The following ATP8B4 variants were observed in gnomAD, a reference collection of about 807,000 sequenced individuals.
ATP8B4 encodes probable phospholipid-transporting ATPase IM.
Under a neutral mutation model 145.6 loss-of-function variants are expected in ATP8B4, and 133 were observed. The ratio of observed to expected loss-of-function variants is 0.91; its 90% CI spans 0.79 to 1.05. The LOEUF (loss-of-function observed/expected upper bound fraction) is 1.05, where lower values mean the gene tolerates loss of function less well. ATP8B4 is among the 50% of genes least tolerant of loss of function. The pLI, the probability that ATP8B4 is intolerant of heterozygous loss-of-function variation, is 0.00. For synonymous variants in ATP8B4, 507 were observed against 492.9 expected (o/e 1.03, Z -0.38); for missense variants, 1,458 against 1,425.2 (o/e 1.02, Z -0.37).
chr15:50,165,118 T>C (rs1567414877), intron 1 of ATP8B4, among the ~76,000 whole-genome samples: 2 of 152,104 alleles, frequency 1.3e-5, no homozygotes, highest in Non-Finnish European at 2.9e-5. Context: ...GGAACGATCT[T>C]GGCTTACTGA....
intron 14 of ATP8B4, among the ~76,000 whole-genome samples, chr15:49,951,831 G>T (rs989121425): frequency 6.6e-6 from 1 of 152,104 alleles, no homozygotes; most frequent in Non-Finnish European, 1.5e-5. Context: ...TGGCTGGTAC[G>T]GGTTTTTCCT....
At position 50,173,049 on chromosome 15, in the gene ATP8B4, C is replaced by T. The variant is rs1385440319; in HGVS notation, c.-43+9212G>A. Among the ~76,000 whole-genome samples the T allele has an allele frequency of 6.2e-5, 9 of 145,440 alleles. No individual in the cohort carries two copies. In the South Asian group the frequency reaches 8.8e-4, roughly 14 times the overall value. The stretch of plus-strand genomic sequence containing the variant: ...ATCCGGGAGGTGGGGGCAGCCTCCG[C>T]CCGGCCAGCCTCCCCATCCGGGAGG... On this transcript the variant is annotated intron_variant, in intron 1 of 3. Coordinates refer to the ATP8B4 transcript ENST00000558829.
At chr15:49,983,801 T>G (rs1372020885) in intron 10 of ATP8B4, among the ~76,000 whole-genome samples, 2 of 152,194 alleles carry the variant, frequency 1.3e-5, no homozygotes, top group East Asian at 3.9e-4. Flanking sequence ...CAGTCCCATA[T>G]CCATCCCTAT....
chr15:49,955,369 G>A (rs4559850), intron 14 of ATP8B4, among the ~76,000 whole-genome samples: 138,405 of 152,284 alleles, frequency 0.91, 63,122 homozygotes, highest in African/African-American at 0.97. Flanking sequence ...ACACAAACAA[G>A]ACAGAAAATC....
chr15:49,894,449 G>C (rs557811003), intron 23 of ATP8B4, among the ~76,000 whole-genome samples: 2 of 151,960 alleles, frequency 1.3e-5, no homozygotes, highest in African/African-American at 4.8e-5. Flanking sequence ...GCTCCTCTGC[G>C]TAAAAAAAGG....
chr15:50,094,784 T>C (rs150338871), intron 2 of ATP8B4, among the ~76,000 whole-genome samples: 36 of 151,078 alleles, frequency 2.4e-4, no homozygotes, highest in African/African-American at 8.2e-4. Flanking sequence ...TCAATGACTC[T>C]ACATCAACTT....
Position 49,923,386 on chromosome 15 carries a change from T to G in ATP8B4, c.1751A>C (p.His584Pro). 1 of 1,606,142 alleles carries G rather than the reference T, an allele frequency of 6.2e-7. No individual in the cohort carries two copies. Among genetic ancestry groups the G allele is most frequent in the South Asian group, 1.1e-5 (1 of 90,838 alleles). ...TAAGACGGAGGCACTTACACTGAGGTGGTCTGACGTCAAAGACAAAAGGAC... is the reference window on the plus strand; with the variant it reads ...TAAGACGGAGGCACTTACACTGAGGGGGTCTGACGTCAAAGACAAAAGGAC... The part of the protein sequence containing the change: ...NEVLLSLTSD[H>P]LSEFAGEGLR... The change falls in exon 17 of 28, where the codon CAC (histidine) becomes CCC (proline). Residue 584 changes from histidine to proline, a missense_variant. Transcript: ENST00000284509.
chr15:50,037,641 A>T (rs917586248), intron 6 of ATP8B4, among the ~76,000 whole-genome samples: 7 of 152,192 alleles, frequency 4.6e-5, no homozygotes, highest in African/African-American at 1.7e-4. Flanking sequence ...TTAACACCAT[A>T]TTGTGGCGGC....
rs2048518239 is a variant in ATP8B4 at position 50,008,959 on chromosome 15, T to C, written c.435+1886A>G. Among the ~76,000 whole-genome samples the C allele has an allele frequency of 2.0e-5, 3 of 152,206 alleles. No homozygotes were observed. The South Asian group carries it at 6.2e-4, about 31-fold the overall frequency. On this transcript the variant is annotated intron_variant, in intron 7 of 27. Transcript: ENST00000284509. The stretch of plus-strand genomic sequence containing the variant: ...AAATGATAGTTAAGTGTGTGGCATA[T>C]ATCAGTTTATGCTAATTCTTCAATA...
chr15:50,165,134 C>G (rs1031736377), intron 1 of ATP8B4, among the ~76,000 whole-genome samples: 9 of 152,024 alleles, frequency 5.9e-5, no homozygotes, highest in Admixed American at 1.3e-4. Context: ...ACTGAAACCT[C>G]TGTCTCCCAG....
In ATP8B4 at chr15:49,934,042, A is replaced by G; in HGVS notation, c.1428T>C (p.Thr476=). 6.2e-7 allele frequency: 1 copy of G among 1,611,006 alleles called. No individual in the cohort carries two copies. The highest frequency in any genetic ancestry group is 1.7e-4 in the Middle Eastern group (1 of 6,038). The change falls in exon 15 of 28, where the codon ACT becomes ACC. Residue 476 remains threonine, a synonymous_variant. Transcript: ENST00000284509. ...EFLRLLALCH[T]VMSEENSAGE... Reference sequence around the variant, plus strand: ...CTGCGCTATTCTCTTCTGACATTACAGTGTGGCAGAGAGCAAGTAACCTAA... The same window carrying G: ...CTGCGCTATTCTCTTCTGACATTACGGTGTGGCAGAGAGCAAGTAACCTAA...
intron 2 of ATP8B4, among the ~76,000 whole-genome samples, chr15:50,090,904 A>C (rs1470044882): frequency 6.6e-6 from 1 of 152,120 alleles, no homozygotes; most frequent in African/African-American, 2.4e-5. Context: ...GTGATGTTTA[A>C]ATTAGCTTTT....
intron 10 of ATP8B4, among the ~76,000 whole-genome samples, chr15:49,986,279 C>A (rs1415058192): frequency 6.6e-6 from 1 of 152,114 alleles, no homozygotes; most frequent in East Asian, 1.9e-4. Context: ...TGACAGGAAG[C>A]AAATCAGGAG....
chr15:49,937,292 C>T (rs906776350), intron 14 of ATP8B4, among the ~76,000 whole-genome samples: 1 of 152,066 alleles, frequency 6.6e-6, no homozygotes, highest in Admixed American at 6.6e-5. Context: ...GATTTCAAGC[C>T]CCTAAGATCA....
chr15:50,038,693 G>C, intron 6 of ATP8B4, 75 bp downstream of exon 6: 1 of 1,140,854 alleles, frequency 8.8e-7, no homozygotes, highest in East Asian at 2.4e-5. Flanking sequence ...AATTAAAAGA[G>C]AAAGCCACCA....
chr15:49,899,437 G>A lies in ATP8B4; in HGVS notation c.2290-1186C>T, dbSNP rs80040971. 4.5e-3 allele frequency among the ~76,000 whole-genome samples: 684 copies of A among 152,210 alleles called. 13 individuals carry two copies. In the East Asian group the frequency reaches 0.059, roughly 13 times the overall value. The stretch of plus-strand genomic sequence containing the variant: ...ATCCTCAGACTTTAGCACTGTGACC[G>A]GGGCACGCTTAATAAAAATGTCAAT... On this transcript the variant is annotated intron_variant, in intron 21 of 27. Transcript: ENST00000284509.
At position 50,169,955 on chromosome 15, in the gene ATP8B4, C is replaced by T. The variant is rs189793388; in HGVS notation, c.-43+12306G>A. Among the ~76,000 whole-genome samples the T allele has an allele frequency of 1.4e-4, 22 of 152,102 alleles. 1 individual carries two copies. The East Asian group carries it at 3.3e-3, about 23-fold the overall frequency. On this transcript the variant is annotated intron_variant, in intron 1 of 3. Coordinates refer to the ATP8B4 transcript ENST00000558829. Reference sequence around the variant, plus strand: ...ATTCAGAGCTCAAAGACATGGTCTTCGAATTAACCCAATACAACAAAGAAA... The same window carrying T: ...ATTCAGAGCTCAAAGACATGGTCTTTGAATTAACCCAATACAACAAAGAAA...
chr15:50,068,163 T>C (rs1201125553), intron 3 of ATP8B4, among the ~76,000 whole-genome samples: 1 of 152,126 alleles, frequency 6.6e-6, no homozygotes, highest in Admixed American at 6.6e-5. Flanking sequence ...ACTTAGATTC[T>C]GAGTTAAGAG....
Position 49,920,811 on chromosome 15 carries a change from C to A in ATP8B4, c.1759-401G>T, listed in dbSNP as rs1391066183. The stretch of plus-strand genomic sequence containing the variant: ...ACCCAGTGTGTTTTATGGACCTCAG[C>A]TTTCAGTGAAGAGGAAAGGACCCTT... On this transcript the variant is annotated intron_variant, in intron 17 of 27. Transcript: ENST00000284509. Among the ~76,000 whole-genome samples the A allele has an allele frequency of 5.9e-5, 9 of 152,170 alleles. No individual in the cohort carries two copies. The East Asian group carries it at 1.7e-3, about 29-fold the overall frequency.
Sources: allele counts gnomAD v4.1 joint callset (sites outside exome capture counted in the v4.1 genomes callset), GRCh38; gene constraint gnomAD v4.1.1; transcripts MANE v1.5; gene names NCBI Gene and HGNC (gene_info 2026-07-23, HGNC 2026-07-21).